Variants in MYO3A observed in about 807,000 individuals in gnomAD.
MYO3A encodes the protein myosin IIIA, also known as myosin-IIIa.
MYO3A carries 180 observed loss-of-function variants against 192.7 expected under a neutral mutation model. The ratio of observed to expected loss-of-function variants is 0.93; its 90% CI spans 0.83 to 1.06. The LOEUF (loss-of-function observed/expected upper bound fraction) is 1.06. Among genes scored for constraint, MYO3A ranks in the 50% least tolerant of loss-of-function variants. MYO3A has a pLI of 0.00. For missense variants in MYO3A, 1,896 were observed against 1,905.0 expected, an observed-to-expected ratio of 1.00 and a Z score of 0.09; for synonymous variants, 628 against 645.3, an observed-to-expected ratio of 0.97 and a Z score of 0.41.
chr10:26,119,039 G>A (rs191683995), intron 17 of MYO3A, among the ~76,000 whole-genome samples: 2 of 152,118 alleles, frequency 1.3e-5, no homozygotes, highest in East Asian at 1.9e-4. Context: ...TCCAGCCCTC[G>A]TATGTCTTCC....
At chr10:26,172,969 A>G (rs1386798355) in intron 29 of MYO3A, among the ~76,000 whole-genome samples, 1 of 152,104 alleles carries the variant, frequency 6.6e-6, no homozygotes, top group African/African-American at 2.4e-5. Context: ...GTGTTAGCAT[A>G]TCAAGGTGTC....
chr10:26,081,133 T>TC (rs60099269), intron 14 of MYO3A, among the ~76,000 whole-genome samples: 19,124 of 84,432 alleles, frequency 0.23, 3,085 homozygotes, highest in Non-Finnish European at 0.26. Flanking sequence ...TATATGCCCT[T>TC]CCCCCCCCCC....
In MYO3A at chr10:26,128,452, A is replaced by C. The variant is rs1162422159; in HGVS notation, c.2176A>C (p.Lys726Gln). The C allele has an allele frequency of 3.1e-6, 5 of 1,612,808 alleles. No individual in the cohort carries two copies. The highest frequency in any genetic ancestry group is 4.2e-6 in the Non-Finnish European group (5 of 1,179,094). The change falls in exon 20 of 35, where the codon AAA becomes CAA. Residue 726 changes from lysine to glutamine, a missense_variant. Lys to Gln is a moderately conservative substitution (Grantham distance 53). Transcript: ENST00000642920. ...TATATTTGGCTTTGAAAATTTCAAA[A>C]AAAATTCCTTCGAGCAGCTGTGCAT... ...LDIFGFENFK[K>Q]NSFEQLCINI...
intron 17 of MYO3A, among the ~76,000 whole-genome samples, chr10:26,103,355 C>A (rs1239757369): frequency 6.6e-6 from 1 of 152,220 alleles, no homozygotes; most frequent in Non-Finnish European, 1.5e-5. Context: ...CGATGCCCTG[C>A]TCTGCTTCAG....
intron 31 of MYO3A, among the ~76,000 whole-genome samples, chr10:26,187,019 A>T (rs776062021): frequency 4.6e-5 from 7 of 152,212 alleles, no homozygotes; most frequent in Non-Finnish European, 7.4e-5. Flanking sequence ...TCTTTAAAGC[A>T]TGAGAAATTT....
Position 26,169,969 on chromosome 10 carries a change from C to CA in MYO3A, c.3275-446dup, listed in dbSNP as rs1195594991. ...TTGATTATTGGGCGCTGCCCTGACA[C>CA]AGGGAATGTTACAGAATATATATTT... On this transcript the variant is annotated intron_variant, in intron 28 of 34. Transcript: ENST00000642920. 2.0e-5 allele frequency among the ~76,000 whole-genome samples: 3 copies of CA among 152,294 alleles called. No homozygotes were observed. In the East Asian group the frequency reaches 5.8e-4, roughly 29 times the overall value.
chr10:26,040,557 T>C (rs1159489350), intron 10 of MYO3A, among the ~76,000 whole-genome samples: 2 of 152,146 alleles, frequency 1.3e-5, no homozygotes, highest in Non-Finnish European at 2.9e-5. Flanking sequence ...GAAGTTAATA[T>C]ACCAGAGAGA....
At chr10:26,070,478 T>C in intron 14 of MYO3A, 77 bp downstream of exon 14, 1 of 1,163,880 alleles carries the variant, frequency 8.6e-7, no homozygotes, top group South Asian at 1.3e-5. Flanking sequence ...ATTAGATTAA[T>C]ATTCTCTAGT....
At chr10:25,972,310 T>C (rs1332372639) in intron 4 of MYO3A, among the ~76,000 whole-genome samples, 1 of 152,158 alleles carries the variant, frequency 6.6e-6, no homozygotes, top group African/African-American at 2.4e-5. Flanking sequence ...TTTATTGATA[T>C]TCCATATTTG....
intron 10 of MYO3A, among the ~76,000 whole-genome samples, chr10:26,027,023 T>C (rs921883628): frequency 1.5e-4 from 23 of 152,244 alleles, no homozygotes; most frequent in African/African-American, 5.1e-4. Flanking sequence ...GAACAAAGAA[T>C]GTAAACTTCA....
Position 26,170,441 on chromosome 10 carries a change from A to G in MYO3A, c.3300A>G (p.Lys1100=). The G allele has an allele frequency of 1.9e-6, 3 of 1,613,652 alleles. No individual in the cohort carries two copies. The highest frequency in any genetic ancestry group is 2.5e-6 in the Non-Finnish European group (3 of 1,179,736). The change falls in exon 29 of 35, where the codon AAA becomes AAG. Residue 1100 remains lysine, a synonymous_variant. Coordinates refer to ENST00000642920, the MANE Select transcript of MYO3A (RefSeq NM_017433.5). ...CTGCAAGAGGACACCTTGTCAGGAA[A>G]CAAAGAAAAGAAATTGTTGACATGA... ...QSAARGHLVR[K]QRKEIVDMKN...
intron 30 of MYO3A, among the ~76,000 whole-genome samples, chr10:26,175,384 G>A (rs775147480): frequency 6.6e-6 from 1 of 152,232 alleles, no homozygotes; most frequent in Non-Finnish European, 1.5e-5. Context: ...TCTCCAGTGT[G>A]AAATGAAGAG....
intron 18 of MYO3A, among the ~76,000 whole-genome samples, chr10:26,121,419 T>C (rs960209351): frequency 2.6e-5 from 4 of 152,276 alleles, no homozygotes; most frequent in African/African-American, 7.2e-5. Context: ...GCACATGCTT[T>C]CATAATTGCA....
chr10:25,973,797 A>G (rs1838806295), intron 4 of MYO3A, among the ~76,000 whole-genome samples: 1 of 152,180 alleles, frequency 6.6e-6, no homozygotes, highest in South Asian at 2.1e-4. Context: ...CACATGTACA[A>G]CCATCTGATA....
chr10:26,159,664 C>G (rs1196253330), intron 26 of MYO3A, among the ~76,000 whole-genome samples: 1 of 152,236 alleles, frequency 6.6e-6, no homozygotes, highest in African/African-American at 2.4e-5. Context: ...CAGGCGTGAG[C>G]CACTGCACCC....
At chr10:25,981,917 C>T (rs1229308752) in intron 4 of MYO3A, among the ~76,000 whole-genome samples, 1 of 152,212 alleles carries the variant, frequency 6.6e-6, no homozygotes, top group African/African-American at 2.4e-5. Flanking sequence ...ACTGGATCAC[C>T]TCTTCAGGTT....
intron 2 of MYO3A, among the ~76,000 whole-genome samples, chr10:25,946,520 C>CTTTT (rs35754342): frequency 7.0e-6 from 1 of 142,226 alleles, no homozygotes; most frequent in African/African-American, 2.6e-5. Context: ...TTAAGTTTCC[C>CTTTT]TTTTTTTTTT....
At chr10:26,179,309 G>A (rs1842495820) in intron 31 of MYO3A, among the ~76,000 whole-genome samples, 1 of 151,166 alleles carries the variant, frequency 6.6e-6, no homozygotes, top group African/African-American at 2.4e-5. Flanking sequence ...TACCATGTTG[G>A]CCAGGCTGAC....
At chr10:26,202,052 C>T (rs74474962) in intron 33 of MYO3A, among the ~76,000 whole-genome samples, 9,279 of 152,208 alleles carry the variant, frequency 0.061, 363 homozygotes, top group Non-Finnish European at 0.085. Flanking sequence ...ATGTTACTTG[C>T]AAGTATAGCA....
Sources: gnomAD v4.1 joint callset for allele counts (sites outside exome capture counted in the v4.1 genomes callset) on GRCh38, gnomAD v4.1.1 for gene constraint, MANE v1.5 for transcripts, NCBI Gene and HGNC (gene_info 2026-07-23, HGNC 2026-07-21) for gene names.